Variants in DST observed in about 807,000 individuals in gnomAD.
DST encodes dystonin.
In DST, 253 loss-of-function variants were observed where a neutral mutation model predicts 875.2. That is an observed-to-expected ratio of 0.29 (90% CI 0.26 to 0.32). The LOEUF is 0.32. Among genes scored for constraint, DST ranks in the 10% least tolerant of loss-of-function variants. DST has a pLI of 1.00. For missense variants in DST, 8,287 were observed against 9,111.6 expected (o/e 0.91, Z 3.68); for synonymous variants, 3,124 against 3,197.1 (o/e 0.98, Z 0.77).
At chr6:56,806,875 T>G (rs2099753572) in intron 4 of DST, among the ~76,000 whole-genome samples, 1 of 152,162 alleles carries the variant, frequency 6.6e-6, no homozygotes. Context: ...GCTAAGAAAC[T>G]TGACCAAGGT....
At chr6:56,800,085 G>C (rs1673234317) in intron 4 of DST, among the ~76,000 whole-genome samples, 1 of 152,120 alleles carries the variant, frequency 6.6e-6, no homozygotes, top group Non-Finnish European at 1.5e-5. Context: ...CTTTATCGTG[G>C]AGGTTTGGAA....
At chr6:56,497,540 TA>T in intron 81 of DST, 33 bp from the exon 82 acceptor site, 1 of 1,606,212 alleles carries the variant, frequency 6.2e-7, no homozygotes. Context: ...GTTGGGGCCA[TA>T]AACACTGTCA....
chr6:56,779,772 T>C (rs1401723579), intron 4 of DST, among the ~76,000 whole-genome samples: 2 of 151,178 alleles, frequency 1.3e-5, no homozygotes, highest in African/African-American at 4.9e-5. Flanking sequence ...ATGTGCACAA[T>C]ATGCAGGTTA....
intron 87 of DST, among the ~76,000 whole-genome samples, chr6:56,486,270 G>C (rs2095558591): frequency 6.7e-6 from 1 of 150,174 alleles, no homozygotes; most frequent in African/African-American, 2.5e-5. Flanking sequence ...GGCTGAGGCA[G>C]GAGAATGGCG....
At chr6:56,843,471 G>A (rs747585233) in intron 4 of DST, 116 of 996,818 alleles carry the variant, frequency 1.2e-4, no homozygotes, top group Non-Finnish European at 1.4e-4. Context: ...AAGCGGAGGA[G>A]CGGGGCGTGC....
At position 56,651,112 on chromosome 6, in the gene DST, T is replaced by A; in HGVS notation, c.1327+20A>T. On this transcript the variant is annotated intron_variant, in intron 11 of 103. Coordinates refer to ENST00000680361, the MANE Select transcript of DST (RefSeq NM_001374736.1). The stretch of plus-strand genomic sequence containing the variant: ...TCAGACTTTCATGCCAGTCCACATA[T>A]AATCAAGAAAATAACTCACCTTCAG... 6.3e-7 allele frequency: 1 copy of A among 1,594,578 alleles called. No homozygotes were observed. The highest frequency in any genetic ancestry group is 1.3e-5 in the African/African-American group (1 of 74,534).
chr6:56,815,876 T>C (rs34640766), intron 4 of DST, among the ~76,000 whole-genome samples: 24,794 of 152,172 alleles, frequency 0.16, 2,233 homozygotes, highest in Non-Finnish European at 0.19. Context: ...TTAGCAAATA[T>C]TTGCTAGCAT....
intron 9 of DST, among the ~76,000 whole-genome samples, chr6:56,684,551 C>T (rs139552856): frequency 1.4e-3 from 216 of 152,266 alleles, no homozygotes; most frequent in African/African-American, 4.6e-3. Flanking sequence ...ACGTCATTTG[C>T]GTAGGGTCTC....
At chr6:56,866,419 C>T (rs533094071) in intron 3 of DST, among the ~76,000 whole-genome samples, 29 of 152,332 alleles carry the variant, frequency 1.9e-4, no homozygotes, top group Middle Eastern at 6.8e-3. Flanking sequence ...CATACAGAAG[C>T]TAGATCCAGT....
At position 56,464,670 on chromosome 6, in the gene DST, A is replaced by C. The variant is rs996802645; in HGVS notation, c.22759+15T>G. ...AAAAGGAAAGAGGGGAGAGGCAAAG[A>C]GAGAGGTTGCCAACCTATAGTAGGC... On this transcript the variant is annotated intron_variant, in intron 100 of 103. Transcript: ENST00000680361. The C allele has an allele frequency of 7.0e-6, 11 of 1,566,218 alleles. No individual in the cohort carries two copies. In the African/African-American group the frequency reaches 1.4e-4, roughly 19 times the overall value.
At position 56,704,322 on chromosome 6, in the gene DST, G is replaced by A; in HGVS notation, c.735C>T (p.His245=). 6.3e-7 allele frequency: 1 copy of A among 1,575,914 alleles called. No individual in the cohort carries two copies. The highest frequency in any genetic ancestry group is 1.2e-5 in the South Asian group (1 of 84,586). ...GAACCTCTAAAAGAGAAATCAAATTGTGTCCATCCCTTAAGTCTTCATAGA... is the reference window on the plus strand; with the variant it reads ...GAACCTCTAAAAGAGAAATCAAATTATGTCCATCCCTTAAGTCTTCATAGA... ...NDLYEDLRDG[H]NLISLLEVLS... The change falls in exon 6 of 104, where the codon CAC becomes CAT. Residue 245 remains histidine, a synonymous_variant. Transcript: ENST00000680361.
intron 4 of DST, among the ~76,000 whole-genome samples, chr6:56,794,605 G>T (rs2099736599): frequency 6.6e-6 from 1 of 152,126 alleles, no homozygotes; most frequent in Non-Finnish European, 1.5e-5. Context: ...TGAAAGCTGG[G>T]GTGGGGTGGG....
At chr6:56,912,926 T>C (rs1424780369) in intron 2 of DST, among the ~76,000 whole-genome samples, 2 of 152,152 alleles carry the variant, frequency 1.3e-5, no homozygotes, top group African/African-American at 2.4e-5. Context: ...AACACAGACA[T>C]TGGTGAGCAA....
At chr6:56,742,271 C>A (rs1472021968) in intron 4 of DST, 4 of 1,283,594 alleles carry the variant, frequency 3.1e-6, no homozygotes, top group South Asian at 2.5e-5. Flanking sequence ...TACTACTAAC[C>A]CATACAGCAC....
chr6:56,845,563 T>C (rs1487239434), intron 4 of DST, among the ~76,000 whole-genome samples: 1 of 152,240 alleles, frequency 6.6e-6, no homozygotes, highest in East Asian at 1.9e-4. Flanking sequence ...TCGATATGCA[T>C]TTGTATGCAC....
chr6:56,573,981 C>T (rs1183632019), intron 50 of DST, 94 bp from the exon 51 acceptor site: 6 of 870,310 alleles, frequency 6.9e-6, no homozygotes, highest in African/African-American at 5.1e-5. Flanking sequence ...AATTTCCACA[C>T]AAAAAATTTA....
chr6:56,683,540 C>A (rs562365440), intron 9 of DST, among the ~76,000 whole-genome samples: 105 of 152,288 alleles, frequency 6.9e-4, no homozygotes, highest in Non-Finnish European at 1.1e-3. Context: ...GCTACTTCTA[C>A]CCTTGGAACA....
chr6:56,507,593 T>C (rs1020011165), intron 75 of DST, among the ~76,000 whole-genome samples: 5 of 152,144 alleles, frequency 3.3e-5, no homozygotes, highest in South Asian at 2.1e-4. Context: ...ACTTTGCCAG[T>C]AGAGTGGCAG....
At chr6:56,933,291 C>A (rs1475220806) in intron 2 of DST, among the ~76,000 whole-genome samples, 1 of 152,222 alleles carries the variant, frequency 6.6e-6, no homozygotes, top group Admixed American at 6.5e-5. Context: ...GTAGGCCAAA[C>A]CAATGTGTAA....
Sources: allele counts gnomAD v4.1 joint callset (sites outside exome capture counted in the v4.1 genomes callset), GRCh38; gene constraint gnomAD v4.1.1; transcripts MANE v1.5; gene names NCBI Gene and HGNC (gene_info 2026-07-23, HGNC 2026-07-21).